Variants in CREB3L2 observed in about 807,000 individuals in gnomAD.
CREB3L2 encodes the protein cAMP responsive element binding protein 3 like 2, also known as cyclic AMP-responsive element-binding protein 3-like protein 2.
CREB3L2 carries 23 observed loss-of-function variants against 57.2 expected under a neutral mutation model. The observed-to-expected ratio is 0.40, with a 90% CI of 0.29 to 0.57. The LOEUF is 0.57. CREB3L2 is among the 20% of genes least tolerant of loss of function. The pLI is 0.42. For synonymous variants in CREB3L2, 268 were observed against 265.1 expected (o/e 1.01, Z -0.11); for missense variants, 628 against 634.7 (o/e 0.99, Z 0.11).
chr7:137,882,754 G>A, intron 10 of CREB3L2, 126 bp from the exon 11 acceptor site: 1 of 598,496 alleles, frequency 1.7e-6, no homozygotes, highest in Non-Finnish European at 2.7e-6. Context: ...CCAGAACCAT[G>A]GGTGCCAACA....
At chr7:137,962,732 G>A (rs900748838) in intron 1 of CREB3L2, among the ~76,000 whole-genome samples, 4 of 151,680 alleles carry the variant, frequency 2.6e-5, no homozygotes, top group Non-Finnish European at 2.9e-5. Context: ...GTTTGCTTCC[G>A]ATCTCCTGCA....
intron 1 of CREB3L2, among the ~76,000 whole-genome samples, chr7:137,964,974 C>T (rs1249152260): frequency 3.9e-5 from 6 of 152,142 alleles, no homozygotes; most frequent in Admixed American, 2.0e-4. Context: ...CCGCCAACCA[C>T]GTGGAATTGT....
At chr7:137,936,179 T>G (rs1456470064) in intron 1 of CREB3L2, among the ~76,000 whole-genome samples, 4 of 152,182 alleles carry the variant, frequency 2.6e-5, no homozygotes, top group Non-Finnish European at 5.9e-5. Flanking sequence ...AGGTCAGTCT[T>G]ATAAAGACAG....
At chr7:137,936,891 A>C (rs1230501815) in intron 1 of CREB3L2, among the ~76,000 whole-genome samples, 1 of 152,240 alleles carries the variant, frequency 6.6e-6, no homozygotes, top group Non-Finnish European at 1.5e-5. Context: ...ACTTGGGAAA[A>C]GGAGGACAGA....
chr7:137,893,488 G>A (rs1366745265), intron 8 of CREB3L2, among the ~76,000 whole-genome samples: 1 of 152,184 alleles, frequency 6.6e-6, no homozygotes, highest in Non-Finnish European at 1.5e-5. Flanking sequence ...GCAGCTGGGG[G>A]TGGGTTCAGC....
chr7:137,890,811 C>T (rs949881049), intron 8 of CREB3L2, among the ~76,000 whole-genome samples: 1 of 152,132 alleles, frequency 6.6e-6, no homozygotes, highest in Non-Finnish European at 1.5e-5. Context: ...GGATGACAGC[C>T]CCCACCCTAC....
intron 1 of CREB3L2, among the ~76,000 whole-genome samples, chr7:137,960,809 C>CTTTTTTTTTTTTTTT (rs66493086): frequency 1.0e-5 from 1 of 95,572 alleles, no homozygotes; most frequent in Non-Finnish European, 1.9e-5. Flanking sequence ...TAAATTATTT[C>CTTTTTTTTTTTTTTT]TTTTTTTTTT....
chr7:137,941,488 A>C (rs1019118379), intron 1 of CREB3L2, among the ~76,000 whole-genome samples: 5 of 152,158 alleles, frequency 3.3e-5, no homozygotes, highest in African/African-American at 1.2e-4. Context: ...AACCTCAACC[A>C]GCTGAGGCAA....
intron 10 of CREB3L2, 123 bp from the exon 11 acceptor site, chr7:137,882,751 C>T (rs1159143814): frequency 3.3e-6 from 2 of 609,470 alleles, no homozygotes; most frequent in Non-Finnish European, 5.4e-6. Context: ...TGCCCAGAAC[C>T]ATGGGTGCCA....
chr7:137,965,141 T>C (rs1470019274), intron 1 of CREB3L2, among the ~76,000 whole-genome samples: 1 of 152,126 alleles, frequency 6.6e-6, no homozygotes, highest in East Asian at 1.9e-4. Flanking sequence ...AAACTGCCCA[T>C]AAGGTAACAT....
At chr7:137,989,875 A>G (rs964402625) in intron 1 of CREB3L2, among the ~76,000 whole-genome samples, 2 of 152,072 alleles carry the variant, frequency 1.3e-5, no homozygotes, top group African/African-American at 4.8e-5. Context: ...ATGCCCTGTA[A>G]TCACATCTCC....
At chr7:137,940,061 A>C (rs1800855253) in intron 1 of CREB3L2, among the ~76,000 whole-genome samples, 1 of 152,132 alleles carries the variant, frequency 6.6e-6, no homozygotes, top group South Asian at 2.1e-4. Flanking sequence ...CTTATCCTTC[A>C]ATTTGCAGTT....
chr7:137,949,464 G>T (rs893071266), intron 1 of CREB3L2, among the ~76,000 whole-genome samples: 2 of 152,160 alleles, frequency 1.3e-5, no homozygotes, highest in African/African-American at 4.8e-5. Flanking sequence ...AAAGGCTTGG[G>T]GAGGATTTCC....
At chr7:137,964,508 C>T (rs1468812253) in intron 1 of CREB3L2, among the ~76,000 whole-genome samples, 1 of 152,140 alleles carries the variant, frequency 6.6e-6, no homozygotes, top group Non-Finnish European at 1.5e-5. Context: ...GCTATTGACC[C>T]ATCAAATACA....
intron 1 of CREB3L2, among the ~76,000 whole-genome samples, chr7:137,929,844 G>A (rs558737055): frequency 6.7e-5 from 10 of 149,422 alleles, no homozygotes; most frequent in Admixed American, 4.0e-4. Context: ...ACTCCAGCCC[G>A]GGCAACAGTG....
chr7:137,973,413 C>T (rs1801552840), intron 1 of CREB3L2, among the ~76,000 whole-genome samples: 1 of 152,036 alleles, frequency 6.6e-6, no homozygotes, highest in African/African-American at 2.4e-5. Flanking sequence ...CAGCGGCCCA[C>T]CGGCGCCTAT....
At chr7:137,938,195 T>C (rs76367996) in intron 1 of CREB3L2, among the ~76,000 whole-genome samples, 3,350 of 152,260 alleles carry the variant, frequency 0.022, 120 homozygotes, top group African/African-American at 0.077. Flanking sequence ...AATGTGTCAA[T>C]GTATCTACCA....
rs141600218 is a variant in CREB3L2 at position 137,895,708 on chromosome 7, G to A, written c.1043+5646C>T. On this transcript the variant is annotated intron_variant, in intron 8 of 11. Coordinates refer to ENST00000330387, the MANE Select transcript of CREB3L2 (RefSeq NM_194071.4). ...TAATCTGAGCACAAATTTTCATCTG[G>A]GTAGATGCGAAAGTCCCCTGTGGGG... 4.4e-3 allele frequency among the ~76,000 whole-genome samples: 663 copies of A among 149,568 alleles called. 7 individuals carry two copies. The highest frequency in any genetic ancestry group is 4.9e-3 in the Non-Finnish European group (330 of 67,548).
At chr7:137,921,415 C>T (rs1367741908) in intron 2 of CREB3L2, among the ~76,000 whole-genome samples, 2 of 152,332 alleles carry the variant, frequency 1.3e-5, no homozygotes, top group Non-Finnish European at 2.9e-5. Flanking sequence ...AAGTCCTTTA[C>T]ATCCAAAGAC....
Sources: allele counts gnomAD v4.1 joint callset (sites outside exome capture counted in the v4.1 genomes callset), GRCh38; gene constraint gnomAD v4.1.1; transcripts MANE v1.5; gene names NCBI Gene and HGNC (gene_info 2026-07-23, HGNC 2026-07-21).